The following DOK6 variants were observed in gnomAD, a reference collection of about 807,000 sequenced individuals.
The protein encoded by DOK6 is docking protein 6, also known as downstream of tyrosine kinase 6.
In DOK6, 22 loss-of-function variants were observed where a neutral mutation model predicts 44.0. The ratio of observed to expected loss-of-function variants is 0.50; its 90% CI spans 0.36 to 0.71. DOK6 has a LOEUF of 0.71. Ranked by LOEUF, DOK6 falls within the 30% of genes least tolerant of loss-of-function variation. DOK6 has a pLI of 0.00. For missense variants in DOK6, 340 were observed against 416.4 expected (o/e 0.82, Z 1.60); for synonymous variants, 166 against 145.5 (o/e 1.14, Z -1.01).
chr18:69,643,781 G>A (rs1001841763), intron 3 of DOK6: 2 of 152,146 alleles, frequency 1.3e-5, no homozygotes, highest in African/African-American at 4.8e-5. Context: ...GCTAATTGCT[G>A]ATTCTTAAGG....
At chr18:69,803,255 C>T (rs953554899) in intron 7 of DOK6, among the ~76,000 whole-genome samples, 1 of 151,942 alleles carries the variant, frequency 6.6e-6, no homozygotes, top group African/African-American at 2.4e-5. Flanking sequence ...ATTATAATAA[C>T]AATTTTATGA....
chr18:69,546,740 A>T (rs1313651006), intron 1 of DOK6, among the ~76,000 whole-genome samples: 4 of 151,476 alleles, frequency 2.6e-5, no homozygotes, highest in African/African-American at 9.7e-5. Context: ...TGGCATGAGT[A>T]ATGATCAAGT....
At chr18:69,745,589 T>C (rs1978959203) in intron 6 of DOK6, among the ~76,000 whole-genome samples, 1 of 152,162 alleles carries the variant, frequency 6.6e-6, no homozygotes, top group Non-Finnish European at 1.5e-5. Flanking sequence ...CTGGGATGTG[T>C]TCAGTGAACA....
At position 69,556,620 on chromosome 18, in the gene DOK6, G is replaced by T. The variant is rs747425706; in HGVS notation, c.67-7867G>T. 2.6e-5 allele frequency among the ~76,000 whole-genome samples: 4 copies of T among 152,074 alleles called. No individual in the cohort carries two copies. In the East Asian group the frequency reaches 7.7e-4, roughly 29 times the overall value. ...GGTTTTTGTTGTTATTATTTTATTC[G>T]TTTAAATTCTTTTTTATTACTCTAT... On this transcript the variant is annotated intron_variant, in intron 1 of 7. Coordinates refer to ENST00000382713, the MANE Select transcript of DOK6 (RefSeq NM_152721.6).
intron 7 of DOK6, among the ~76,000 whole-genome samples, chr18:69,780,232 G>A (rs1980220733): frequency 6.6e-6 from 1 of 152,096 alleles, no homozygotes; most frequent in African/African-American, 2.4e-5. Context: ...GCTCTTTCCA[G>A]CATTGTCACC....
chr18:69,436,107 G>C (rs551965244), intron 1 of DOK6, among the ~76,000 whole-genome samples: 10 of 151,028 alleles, frequency 6.6e-5, no homozygotes, highest in South Asian at 4.2e-4. Context: ...AAATCTATGT[G>C]ATAAATCACC....
intron 3 of DOK6, among the ~76,000 whole-genome samples, chr18:69,619,174 C>T (rs143050736): frequency 6.6e-6 from 1 of 152,264 alleles, no homozygotes; most frequent in Non-Finnish European, 1.5e-5. Context: ...GGGCTCACCC[C>T]AGAAGAACGT....
At position 69,561,265 on chromosome 18, in the gene DOK6, T is replaced by G. The variant is rs1034086348; in HGVS notation, c.67-3222T>G. Among the ~76,000 whole-genome samples, 16 of 151,876 alleles carry G rather than the reference T, an allele frequency of 1.1e-4. 1 individual carries two copies. The highest frequency in any genetic ancestry group is 1.1e-3 in the Admixed American group (16 of 15,234). The stretch of plus-strand genomic sequence containing the variant: ...AAGTGGCATAGCCATAATGTAAACC[T>G]ATGTCTGTCTGATTCCAGAGCTCTA... On this transcript the variant is annotated intron_variant, in intron 1 of 7. Coordinates refer to ENST00000382713, the MANE Select transcript of DOK6 (RefSeq NM_152721.6).
At chr18:69,511,439 G>C (rs1000540401) in intron 1 of DOK6, among the ~76,000 whole-genome samples, 1 of 152,044 alleles carries the variant, frequency 6.6e-6, no homozygotes, top group Non-Finnish European at 1.5e-5. Context: ...ATATTTGAAG[G>C]ACTCGTAAAA....
intron 1 of DOK6, among the ~76,000 whole-genome samples, chr18:69,533,527 C>A (rs1420108007): frequency 2.6e-5 from 4 of 151,974 alleles, no homozygotes; most frequent in African/African-American, 9.7e-5. Context: ...AATCTGACAA[C>A]TGCAGGAAAG....
At chr18:69,455,053 G>A (rs28650074) in intron 1 of DOK6, among the ~76,000 whole-genome samples, 10,463 of 135,558 alleles carry the variant, frequency 0.077, 399 homozygotes, top group Middle Eastern at 0.12. Flanking sequence ...AAAACTTAAA[G>A]TATAATAAAA....
intron 1 of DOK6, among the ~76,000 whole-genome samples, chr18:69,412,818 C>T (rs751216927): frequency 1.1e-4 from 16 of 152,182 alleles, no homozygotes; most frequent in Non-Finnish European, 1.9e-4. Context: ...GCCCAAAATG[C>T]TTATCTCCCT....
chr18:69,465,706 T>C (rs1468294705), intron 1 of DOK6, among the ~76,000 whole-genome samples: 1 of 151,966 alleles, frequency 6.6e-6, no homozygotes, highest in Non-Finnish European at 1.5e-5. Context: ...CAGTCTATCA[T>C]TGTTGGACAT....
intron 1 of DOK6, among the ~76,000 whole-genome samples, chr18:69,526,329 A>G (rs1422796591): frequency 6.6e-6 from 1 of 152,194 alleles, no homozygotes; most frequent in Non-Finnish European, 1.5e-5. Flanking sequence ...TGGAATGTAC[A>G]CAATGTCAGC....
At chr18:69,411,270 T>C in intron 1 of DOK6, among the ~76,000 whole-genome samples, 1 of 152,200 alleles carries the variant, frequency 6.6e-6, no homozygotes, top group East Asian at 1.9e-4. Flanking sequence ...AGGGTGCTTG[T>C]AGTGTTCTAA....
intron 7 of DOK6, among the ~76,000 whole-genome samples, chr18:69,769,952 A>G (rs1338602544): frequency 6.6e-6 from 1 of 152,094 alleles, no homozygotes; most frequent in Non-Finnish European, 1.5e-5. Flanking sequence ...GCAAGAGAGG[A>G]GGTGTAACAT....
At chr18:69,489,499 C>T (rs1294312375) in intron 1 of DOK6, among the ~76,000 whole-genome samples, 4 of 152,012 alleles carry the variant, frequency 2.6e-5, no homozygotes, top group Admixed American at 6.6e-5. Flanking sequence ...TGGAAATTGA[C>T]GGTACTACAA....
intron 7 of DOK6, among the ~76,000 whole-genome samples, chr18:69,817,379 A>T (rs886631725): frequency 1.3e-5 from 2 of 152,196 alleles, no homozygotes; most frequent in African/African-American, 4.8e-5. Flanking sequence ...CATTTACCAA[A>T]GTCAGTCTTT....
chr18:69,845,238 A>G lies in DOK6; in HGVS notation c.*3855A>G, dbSNP rs1406747726. 1 of 152,234 alleles carries G rather than the reference A, an allele frequency of 6.6e-6. No homozygotes were observed. Among genetic ancestry groups the G allele is most frequent in the Non-Finnish European group, 1.5e-5 (1 of 68,036 alleles). The allele number at this position is 152,234 out of a possible 1,614,324, so 9.4% of individuals were successfully genotyped here. On this transcript the variant is annotated 3_prime_UTR_variant, in exon 8 of 8. Coordinates refer to ENST00000382713, the MANE Select transcript of DOK6 (RefSeq NM_152721.6). ...AGTTTTGATTATTATAACACAGCAC[A>G]ATAAATGGGCAGTATACGTCTAATG...
Sources: allele counts gnomAD v4.1 joint callset (sites outside exome capture counted in the v4.1 genomes callset), GRCh38; gene constraint gnomAD v4.1.1; transcripts MANE v1.5; gene names NCBI Gene and HGNC (gene_info 2026-07-23, HGNC 2026-07-21).